HYAL4: variants seen among roughly 807,000 people sequenced by gnomAD.
The protein encoded by HYAL4 is hyaluronidase-4.
HYAL4 carries 37 observed loss-of-function variants against 35.2 expected under a neutral mutation model. That is an observed-to-expected ratio of 1.05 (90% CI 0.81 to 1.38). The LOEUF (loss-of-function observed/expected upper bound fraction) is 1.38. Among genes scored for constraint, HYAL4 ranks in the 40% most tolerant of loss-of-function variants. The pLI is 0.00. For synonymous variants in HYAL4, 198 were observed against 203.2 expected (o/e 0.97, Z 0.22); for missense variants, 572 against 572.4 (o/e 1.00, Z 0.01).
chr7:123,832,028 C>A (rs949122016), intron 1 of HYAL4, among the ~76,000 whole-genome samples: 3 of 151,982 alleles, frequency 2.0e-5, no homozygotes, highest in Non-Finnish European at 2.9e-5. Context: ...TTTGGTTCAA[C>A]ATATAAACTC....
chr7:123,839,104 T>G (rs1806013594), intron 1 of HYAL4, among the ~76,000 whole-genome samples: 1 of 152,100 alleles, frequency 6.6e-6, no homozygotes, highest in Non-Finnish European at 1.5e-5. Flanking sequence ...ATCATTTACA[T>G]TAGGTATTTC....
At chr7:123,847,107 A>G (rs1806190352) in intron 1 of HYAL4, among the ~76,000 whole-genome samples, 1 of 152,148 alleles carries the variant, frequency 6.6e-6, no homozygotes, top group Non-Finnish European at 1.5e-5. Flanking sequence ...GTGAGTCTCC[A>G]TACATTGCTC....
rs116965527 is a variant in HYAL4 at position 123,848,234 on chromosome 7, C to T, written c.-52+76C>T. 12 of 152,514 alleles carry T rather than the reference C, an allele frequency of 7.9e-5. No homozygotes were observed. In the East Asian group the frequency reaches 2.3e-3, roughly 29 times the overall value. 9.4% of individuals were successfully genotyped at this position (152,514 alleles called of 1,614,324 possible). ...AGAAATTTGAGGAGTTAGAAAAAAG[C>T]CAATATTAATTTCTTGGAATACTCA... is the stretch of plus-strand genomic sequence containing the variant. On this transcript the variant is annotated intron_variant, in intron 2 of 4. Transcript: ENST00000223026.
the HYAL4 span, among the ~76,000 whole-genome samples, chr7:123,806,144 G>A: frequency 6.6e-6 from 1 of 152,098 alleles, no homozygotes; most frequent in Admixed American, 6.5e-5. Flanking sequence ...AAATAATCAA[G>A]ACAAGATGAG....
chr7:123,798,247 A>G, the HYAL4 span, among the ~76,000 whole-genome samples: 1 of 152,196 alleles, frequency 6.6e-6, no homozygotes, highest in Non-Finnish European at 1.5e-5. Flanking sequence ...GCCAGAAGTA[A>G]GGTCAAGTGA....
chr7:123,806,419 G>T, the HYAL4 span, among the ~76,000 whole-genome samples: 3 of 152,028 alleles, frequency 2.0e-5, no homozygotes, highest in Non-Finnish European at 4.4e-5. Context: ...TCCTTAGTGT[G>T]GCAGTCTGAT....
At chr7:123,818,782 C>CT in the HYAL4 span, among the ~76,000 whole-genome samples, 6 of 151,842 alleles carry the variant, frequency 4.0e-5, no homozygotes, top group South Asian at 2.1e-4. Context: ...AAAGAAATGC[C>CT]TTTTTTTCTG....
At chr7:123,800,723 C>T in the HYAL4 span, among the ~76,000 whole-genome samples, 2 of 151,600 alleles carry the variant, frequency 1.3e-5, no homozygotes, top group Admixed American at 1.3e-4. Flanking sequence ...GTGGTCTGAT[C>T]TCGGCTCAGT....
At chr7:123,858,656 G>T (rs2116941492) in intron 2 of HYAL4, among the ~76,000 whole-genome samples, 1 of 152,226 alleles carries the variant, frequency 6.6e-6, no homozygotes, top group South Asian at 2.1e-4. Flanking sequence ...GACTTTAGTT[G>T]ATAAGAACAG....
the HYAL4 span, among the ~76,000 whole-genome samples, chr7:123,778,910 AAC>A: frequency 1.1e-4 from 16 of 152,354 alleles, no homozygotes; most frequent in Admixed American, 2.0e-4. Flanking sequence ...AATATATTGC[AAC>A]AGTTTAAATG....
chr7:123,863,216 G>A (rs1235866020), intron 2 of HYAL4, among the ~76,000 whole-genome samples: 1 of 152,148 alleles, frequency 6.6e-6, no homozygotes, highest in Non-Finnish European at 1.5e-5. Flanking sequence ...TGAGGGCAGA[G>A]GCTCTTGTTT....
intron 2 of HYAL4, among the ~76,000 whole-genome samples, chr7:123,855,394 C>A (rs1806413446): frequency 6.6e-6 from 1 of 152,090 alleles, no homozygotes; most frequent in Admixed American, 6.6e-5. Flanking sequence ...TAAGGCAGGC[C>A]TGATGGTAAC....
At chr7:123,770,234 G>T in the HYAL4 span, among the ~76,000 whole-genome samples, 1 of 151,946 alleles carries the variant, frequency 6.6e-6, no homozygotes, top group East Asian at 1.9e-4. Context: ...CGGATCACGA[G>T]GATAGAGACC....
At chr7:123,798,178 G>T in the HYAL4 span, among the ~76,000 whole-genome samples, 1 of 152,178 alleles carries the variant, frequency 6.6e-6, no homozygotes, top group Admixed American at 6.5e-5. Flanking sequence ...CCTGTCAGCG[G>T]TAGTTACAGA....
At chr7:123,797,549 T>C in the HYAL4 span, among the ~76,000 whole-genome samples, 1 of 152,228 alleles carries the variant, frequency 6.6e-6, no homozygotes, top group African/African-American at 2.4e-5. Context: ...ATAAAAACTA[T>C]TATTTCTGAA....
At chr7:123,856,277 G>T (rs1475215999) in intron 2 of HYAL4, among the ~76,000 whole-genome samples, 1 of 151,842 alleles carries the variant, frequency 6.6e-6, no homozygotes, top group East Asian at 1.9e-4. Context: ...GAGGCATTTT[G>T]GTTTTTGTAA....
the HYAL4 span, among the ~76,000 whole-genome samples, chr7:123,819,119 A>G: frequency 6.6e-5 from 10 of 152,160 alleles, no homozygotes; most frequent in African/African-American, 2.4e-4. Flanking sequence ...AGCCTCGGGT[A>G]ATCACCATTC....
intron 1 of HYAL4, among the ~76,000 whole-genome samples, chr7:123,831,986 C>A: frequency 6.6e-6 from 1 of 152,010 alleles, no homozygotes; most frequent in East Asian, 1.9e-4. Context: ...CTGGAAAGAT[C>A]CAGATATATT....
chr7:123,876,625 A>G (rs2116972036), intron 4 of HYAL4, 129 bp from the exon 5 acceptor site: 1 of 981,728 alleles, frequency 1.0e-6, no homozygotes, highest in East Asian at 2.5e-5. Context: ...ATTATGTTTT[A>G]ATCAAGACCA....
Sources: gnomAD v4.1 joint callset for allele counts (sites outside exome capture counted in the v4.1 genomes callset) on GRCh38, gnomAD v4.1.1 for gene constraint, MANE v1.5 for transcripts, NCBI Gene and HGNC (gene_info 2026-07-23, HGNC 2026-07-21) for gene names.